Variants in KHDRBS3 observed in about 807,000 individuals in gnomAD.
KHDRBS3 encodes KH domain-containing, RNA-binding, signal transduction-associated protein 3.
A neutral mutation model predicts 45.6 loss-of-function variants in KHDRBS3; 23 were observed. The observed-to-expected ratio is 0.50, with a 90% confidence interval of 0.36 to 0.72. The LOEUF is 0.72. KHDRBS3 is among the 30% of genes least tolerant of loss of function. KHDRBS3 has a pLI of 0.00. For synonymous variants in KHDRBS3, 162 were observed against 156.5 expected (o/e 1.04, Z -0.26); for missense variants, 352 against 424.8 (o/e 0.83, Z 1.51).
chr8:135,507,092 A>G (rs1824040102), intron 1 of KHDRBS3, among the ~76,000 whole-genome samples: 1 of 152,148 alleles, frequency 6.6e-6, no homozygotes, highest in Non-Finnish European at 1.5e-5. Flanking sequence ...TTTATGTATC[A>G]TGGACCTTTG....
intron 1 of KHDRBS3, among the ~76,000 whole-genome samples, chr8:135,476,405 G>A (rs1346786881): frequency 1.3e-5 from 2 of 152,126 alleles, no homozygotes; most frequent in Admixed American, 6.6e-5. Context: ...GCCTCCCAAA[G>A]TGCTGGGATT....
At chr8:135,554,287 G>T (rs1826767958) in intron 4 of KHDRBS3, among the ~76,000 whole-genome samples, 1 of 152,002 alleles carries the variant, frequency 6.6e-6, no homozygotes, top group African/African-American at 2.4e-5. Context: ...TTTGAATAGG[G>T]CCTTGACTGT....
chr8:135,634,714 G>A (rs985865442), intron 7 of KHDRBS3, among the ~76,000 whole-genome samples: 3 of 152,092 alleles, frequency 2.0e-5, no homozygotes, highest in Non-Finnish European at 4.4e-5. Flanking sequence ...ACTTTTTGCT[G>A]TCTGCCCCAG....
intron 3 of KHDRBS3, among the ~76,000 whole-genome samples, chr8:135,547,364 C>T (rs570422213): frequency 7.2e-5 from 11 of 152,206 alleles, no homozygotes; most frequent in African/African-American, 2.6e-4. Context: ...TGTCTCCTTT[C>T]GCCAGCATTT....
intron 1 of KHDRBS3, among the ~76,000 whole-genome samples, chr8:135,471,626 G>C (rs766511516): frequency 2.0e-5 from 3 of 152,174 alleles, no homozygotes; most frequent in Non-Finnish European, 2.9e-5. Context: ...GTGAGGGAGT[G>C]GGCACTTGTG....
chr8:135,578,194 A>C (rs944530153), intron 5 of KHDRBS3, among the ~76,000 whole-genome samples: 3 of 151,912 alleles, frequency 2.0e-5, no homozygotes, highest in Non-Finnish European at 4.4e-5. Flanking sequence ...TTGTCTCTTT[A>C]TCTCTTAATA....
intron 5 of KHDRBS3, among the ~76,000 whole-genome samples, chr8:135,560,714 G>A (rs1026070999): frequency 6.6e-6 from 1 of 152,152 alleles, no homozygotes; most frequent in East Asian, 1.9e-4. Flanking sequence ...CATATGCATT[G>A]CTTGTCATTT....
chr8:135,639,617 G>A (rs1171846163), intron 7 of KHDRBS3, among the ~76,000 whole-genome samples: 3 of 152,132 alleles, frequency 2.0e-5, no homozygotes, highest in East Asian at 1.9e-4. Context: ...TTGCATTGCC[G>A]TAAAGAAGTA....
chr8:135,639,367 A>G (rs1315949703), intron 7 of KHDRBS3, among the ~76,000 whole-genome samples: 1 of 152,198 alleles, frequency 6.6e-6, no homozygotes, highest in Non-Finnish European at 1.5e-5. Flanking sequence ...GTCAGTGGAC[A>G]AGAGGAGCCA....
intron 1 of KHDRBS3, among the ~76,000 whole-genome samples, chr8:135,475,145 A>G (rs530702362): frequency 1.9e-4 from 29 of 152,298 alleles, no homozygotes; most frequent in Non-Finnish European, 3.8e-4. Context: ...TTACTAACTT[A>G]GTTCCATCTG....
intron 1 of KHDRBS3, among the ~76,000 whole-genome samples, chr8:135,508,694 T>G (rs548259588): frequency 6.6e-6 from 1 of 152,336 alleles, no homozygotes; most frequent in East Asian, 1.9e-4. Context: ...TAACTTGAAT[T>G]AGTCCGGTGC....
intron 6 of KHDRBS3, among the ~76,000 whole-genome samples, chr8:135,603,502 A>G (rs1056334252): frequency 2.6e-5 from 4 of 152,204 alleles, no homozygotes; most frequent in African/African-American, 9.6e-5. Context: ...TTCAGCTACT[A>G]TGAAGAACAC....
intron 7 of KHDRBS3, chr8:135,625,237 C>G: frequency 7.2e-7 from 1 of 1,384,670 alleles, no homozygotes; most frequent in Non-Finnish European, 1.0e-6. Context: ...TGTCACAAAG[C>G]CTTCATCTGT....
intron 7 of KHDRBS3, among the ~76,000 whole-genome samples, chr8:135,638,711 A>T (rs1183457818): frequency 6.6e-6 from 1 of 152,202 alleles, no homozygotes; most frequent in Non-Finnish European, 1.5e-5. Context: ...GCACTTTGGG[A>T]GGCCCAGGCA....
intron 6 of KHDRBS3, among the ~76,000 whole-genome samples, chr8:135,592,554 A>G (rs1172787853): frequency 6.6e-6 from 1 of 152,226 alleles, no homozygotes; most frequent in Admixed American, 6.5e-5. Flanking sequence ...TTCAACCAGC[A>G]TTCATAGAAC....
chr8:135,526,122 A>G (rs964661811), intron 2 of KHDRBS3, among the ~76,000 whole-genome samples: 1 of 152,176 alleles, frequency 6.6e-6, no homozygotes, highest in Non-Finnish European at 1.5e-5. Context: ...GGTATACAGT[A>G]GGATATGCCA....
rs140219973 is a variant in KHDRBS3 at position 135,563,331 on chromosome 8, A to G, written c.611+5744A>G. Among the ~76,000 whole-genome samples the G allele has an allele frequency of 2.7e-3, 413 of 152,222 alleles. 3 individuals are homozygous for G. Among genetic ancestry groups the G allele is most frequent in the Admixed American group, 8.6e-3 (132 of 15,294 alleles). ...TTTCTTTCCCAGATCCTTCACATTT[A>G]TTCTCCTTCTCGTTGAAGGCTTTGT... On this transcript the variant is annotated intron_variant, in intron 5 of 8. Transcript: ENST00000355849.
At chr8:135,488,839 T>C (rs993029611) in intron 1 of KHDRBS3, among the ~76,000 whole-genome samples, 3 of 152,244 alleles carry the variant, frequency 2.0e-5, no homozygotes, top group African/African-American at 7.2e-5. Context: ...ATCAAGGTAG[T>C]TCCTGCCTTG....
At chr8:135,458,178 G>A (rs1372147761) in intron 1 of KHDRBS3, 1 of 1,321,864 alleles carries the variant, frequency 7.6e-7, no homozygotes, top group Non-Finnish European at 9.7e-7. Flanking sequence ...AGGCTGGGGC[G>A]CATGGGTGAG....
Sources: allele counts gnomAD v4.1 joint callset (sites outside exome capture counted in the v4.1 genomes callset), GRCh38; gene constraint gnomAD v4.1.1; transcripts MANE v1.5; gene names NCBI Gene and HGNC (gene_info 2026-07-23, HGNC 2026-07-21).